ADCY2: variants seen among roughly 807,000 people sequenced by gnomAD.
The protein encoded by ADCY2 is adenylate cyclase 2.
ADCY2 carries 31 observed loss-of-function variants against 125.2 expected under a neutral mutation model. The ratio of observed to expected loss-of-function variants is 0.25; its 90% confidence interval spans 0.19 to 0.33. ADCY2 has a LOEUF of 0.33. ADCY2 is among the 10% of genes least tolerant of loss of function. The pLI is 1.00. For synonymous variants in ADCY2, 512 were observed against 548.4 expected (o/e 0.93, Z 0.93); for missense variants, 904 against 1,418.2 (o/e 0.64, Z 5.82).
At chr5:7,766,871 A>C in intron 17 of ADCY2, 65 bp downstream of exon 17, 1 of 1,539,854 alleles carries the variant, frequency 6.5e-7, no homozygotes, top group South Asian at 1.3e-5. Flanking sequence ...TGTATAACAT[A>C]TATCCTTTAG....
At chr5:7,571,534 A>C (rs1490240249) in intron 3 of ADCY2, among the ~76,000 whole-genome samples, 1 of 152,166 alleles carries the variant, frequency 6.6e-6, no homozygotes, top group Non-Finnish European at 1.5e-5. Context: ...CCAAAAACAC[A>C]TGCATGCACA....
chr5:7,644,345 G>T (rs1738821356), intron 4 of ADCY2, among the ~76,000 whole-genome samples: 1 of 152,014 alleles, frequency 6.6e-6, no homozygotes, highest in Non-Finnish European at 1.5e-5. Flanking sequence ...CTATTCTTGA[G>T]GCATCACCTG....
intron 4 of ADCY2, among the ~76,000 whole-genome samples, chr5:7,679,267 T>C (rs982091522): frequency 1.3e-5 from 2 of 152,024 alleles, no homozygotes; most frequent in African/African-American, 4.8e-5. Flanking sequence ...GCCATCCAGG[T>C]CCCGGGGGAG....
At chr5:7,531,710 T>C (rs1217913169) in intron 3 of ADCY2, among the ~76,000 whole-genome samples, 2 of 152,132 alleles carry the variant, frequency 1.3e-5, no homozygotes, top group African/African-American at 4.8e-5. Context: ...TGCACTTTCC[T>C]CTCTTCTGTC....
At chr5:7,726,531 T>C (rs1228169620) in intron 13 of ADCY2, among the ~76,000 whole-genome samples, 2 of 152,134 alleles carry the variant, frequency 1.3e-5, no homozygotes, top group Non-Finnish European at 2.9e-5. Context: ...CAGCTAATGC[T>C]GGTCAGCTTA....
chr5:7,772,931 G>A lies in ADCY2; in HGVS notation c.2215-1G>A. 6.2e-7 allele frequency: 1 copy of A among 1,613,924 alleles called. No homozygotes were observed. The highest frequency in any genetic ancestry group is 8.5e-7 in the Non-Finnish European group (1 of 1,179,886). ...CTGTCTGGTGTCCTTCCCTGTTTCA[G>A]TACTTTATCTACAGCTGCATTCTGG... On this transcript the variant is annotated splice_acceptor_variant, in intron 17 of 24. Coordinates refer to ENST00000338316, the MANE Select transcript of ADCY2 (RefSeq NM_020546.3). LOFTEE classifies it high-confidence loss of function.
chr5:7,696,545 C>T (rs1740900134), intron 6 of ADCY2, among the ~76,000 whole-genome samples: 1 of 152,144 alleles, frequency 6.6e-6, no homozygotes, highest in South Asian at 2.1e-4. Context: ...TCCTGCAAGC[C>T]CTGTACTTCT....
chr5:7,772,942 AC>A lies in ADCY2; in HGVS notation c.2226del (p.Tyr742Ter). 6.2e-7 allele frequency: 1 copy of A among 1,614,002 alleles called. No individual in the cohort carries two copies. The highest frequency in any genetic ancestry group is 8.5e-7 in the Non-Finnish European group (1 of 1,179,934). On this transcript the variant is annotated frameshift_variant, in exon 18 of 25. Coordinates refer to ENST00000338316, the MANE Select transcript of ADCY2 (RefSeq NM_020546.3). LOFTEE classifies it high-confidence loss of function. ...QNLFFLPYFI[Y>X]SCILGLISCS... ...CCTTCCCTGTTTCAGTACTTTATCTACAGCTGCATTCTGGGACTGATATCCT... is the reference window on the plus strand; with the variant it reads ...CCTTCCCTGTTTCAGTACTTTATCTAAGCTGCATTCTGGGACTGATATCCT...
At chr5:7,766,128 C>T (rs1001602083) in intron 16 of ADCY2, among the ~76,000 whole-genome samples, 9 of 152,130 alleles carry the variant, frequency 5.9e-5, no homozygotes, top group Non-Finnish European at 1.2e-4. Context: ...GAACATCCAT[C>T]CTTTTAAATT....
chr5:7,534,569 A>G (rs948662289), intron 3 of ADCY2, among the ~76,000 whole-genome samples: 1 of 152,236 alleles, frequency 6.6e-6, no homozygotes, highest in Non-Finnish European at 1.5e-5. Flanking sequence ...ATACTTTTCT[A>G]AGATCTCTAG....
intron 3 of ADCY2, among the ~76,000 whole-genome samples, chr5:7,613,459 G>A (rs767907038): frequency 2.0e-5 from 3 of 152,178 alleles, no homozygotes; most frequent in Non-Finnish European, 2.9e-5. Flanking sequence ...CCACCAGGCT[G>A]TCCCTCAGAT....
At chr5:7,654,901 A>C (rs1739267976) in intron 4 of ADCY2, among the ~76,000 whole-genome samples, 1 of 152,206 alleles carries the variant, frequency 6.6e-6, no homozygotes, top group Non-Finnish European at 1.5e-5. Flanking sequence ...TTAGGGGAAA[A>C]AATGCAAATA....
chr5:7,398,175 G>A (rs1437038422), intron 1 of ADCY2, among the ~76,000 whole-genome samples: 10 of 152,288 alleles, frequency 6.6e-5, no homozygotes, highest in Non-Finnish European at 1.5e-4. Flanking sequence ...AAATGGAAAG[G>A]AGCAGGTGAT....
intron 3 of ADCY2, among the ~76,000 whole-genome samples, chr5:7,537,415 T>C (rs968656769): frequency 1.3e-5 from 2 of 152,200 alleles, no homozygotes; most frequent in African/African-American, 4.8e-5. Context: ...AAGTGTCCTC[T>C]GTCTCTGTAG....
intron 15 of ADCY2, among the ~76,000 whole-genome samples, chr5:7,755,152 G>C (rs74926968): frequency 1.3e-5 from 2 of 152,138 alleles, no homozygotes; most frequent in African/African-American, 4.8e-5. Flanking sequence ...TTCTGTTGCC[G>C]GTGATCAGAT....
At chr5:7,701,121 C>A (rs13178528) in intron 7 of ADCY2, among the ~76,000 whole-genome samples, 76,103 of 151,650 alleles carry the variant, frequency 0.5, 19,569 homozygotes, top group East Asian at 0.83. Context: ...AAATTTGTAA[C>A]CTGCTGCTGG....
At chr5:7,426,335 A>G (rs1001068644) in intron 2 of ADCY2, among the ~76,000 whole-genome samples, 6 of 152,214 alleles carry the variant, frequency 3.9e-5, no homozygotes, top group Non-Finnish European at 7.3e-5. Context: ...TTTATAAATA[A>G]TAGAGATTTA....
intron 17 of ADCY2, among the ~76,000 whole-genome samples, chr5:7,767,160 G>C (rs1415001655): frequency 1.3e-5 from 2 of 152,150 alleles, no homozygotes; most frequent in African/African-American, 2.4e-5. Flanking sequence ...AATTGTTCCA[G>C]TGAATTAATA....
chr5:7,519,664 A>C (rs1379312621), intron 2 of ADCY2, among the ~76,000 whole-genome samples: 1 of 152,094 alleles, frequency 6.6e-6, no homozygotes, highest in Non-Finnish European at 1.5e-5. Context: ...GATTGTTTTG[A>C]TTGAGCTGAA....
Sources: allele counts gnomAD v4.1 joint callset (sites outside exome capture counted in the v4.1 genomes callset), GRCh38; gene constraint gnomAD v4.1.1; transcripts MANE v1.5; gene names NCBI Gene and HGNC (gene_info 2026-07-23, HGNC 2026-07-21).